ANKIB1: variants seen among roughly 807,000 people sequenced by gnomAD.
ANKIB1 encodes ankyrin repeat and IBR domain containing 1.
ANKIB1 carries 43 observed loss-of-function variants against 122.1 expected under a neutral mutation model. The observed-to-expected ratio is 0.35, with a 90% CI of 0.28 to 0.45. The LOEUF (loss-of-function observed/expected upper bound fraction) is 0.45, where lower values mean the gene tolerates loss of function less well. Among genes scored for constraint, ANKIB1 ranks in the 20% least tolerant of loss-of-function variants. The probability of loss-of-function intolerance (pLI) is 1.00; values close to 1 mark genes in which losing one functional copy is unlikely to be tolerated. For missense variants in ANKIB1, 992 were observed against 1,329.5 expected, an observed-to-expected ratio of 0.75 and a Z score of 3.95; for synonymous variants, 390 against 442.0, an observed-to-expected ratio of 0.88 and a Z score of 1.48.
intron 9 of ANKIB1, among the ~76,000 whole-genome samples, chr7:92,355,023 A>G (rs1354163614): frequency 6.6e-6 from 1 of 152,268 alleles, no homozygotes; most frequent in Non-Finnish European, 1.5e-5. Context: ...CTGCATAGAT[A>G]TAACTAAATA....
chr7:92,278,263 TAATAA>T (rs1191709475), intron 1 of ANKIB1, among the ~76,000 whole-genome samples: 1 of 151,798 alleles, frequency 6.6e-6, no homozygotes, highest in Non-Finnish European at 1.5e-5. Context: ...AATAAATAAA[TAATAA>T]AATAAAGAAT....
rs1206190414 is a variant in ANKIB1, at chr7:92,330,664, AACCCC to A, written c.787+2765_787+2769del. Reference sequence around the variant, plus strand: ...GAGACTATCCTGGCTAACATGCTGAAACCCCGTCTCTACTAAAAATACAAAAAATT... The same window carrying A: ...GAGACTATCCTGGCTAACATGCTGAAGTCTCTACTAAAAATACAAAAAATT... On this transcript the variant is annotated intron_variant, in intron 5 of 19. Transcript: ENST00000265742. Among the ~76,000 whole-genome samples, 23 of 152,142 alleles carry A rather than the reference AACCCC, an allele frequency of 1.5e-4. No individual in the cohort carries two copies. The South Asian group carries it at 4.4e-3, about 29-fold the overall frequency.
At chr7:92,270,729 T>G (rs1050565749) in intron 1 of ANKIB1, among the ~76,000 whole-genome samples, 4 of 57,228 alleles carry the variant, frequency 7.0e-5, no homozygotes, top group Non-Finnish European at 1.4e-4. Flanking sequence ...ATCGCTATAG[T>G]TTTTTTTTTT....
At chr7:92,309,737 C>A (rs1465897878) in intron 3 of ANKIB1, among the ~76,000 whole-genome samples, 1 of 149,576 alleles carries the variant, frequency 6.7e-6, no homozygotes, top group Admixed American at 6.8e-5. Context: ...CCAGCCTGGC[C>A]AATATGGTGA....
chr7:92,320,169 A>G (rs189024051), intron 4 of ANKIB1, among the ~76,000 whole-genome samples: 77 of 152,264 alleles, frequency 5.1e-4, no homozygotes, highest in Admixed American at 3.2e-3. Flanking sequence ...AAAACAAAAC[A>G]AAAAACATAA....
rs150018736 is a variant in ANKIB1, at chr7:92,367,000, C to T, written c.1487-4477C>T. 2.0e-4 allele frequency among the ~76,000 whole-genome samples: 31 copies of T among 151,914 alleles called. 1 individual carries two copies. In the East Asian group the frequency reaches 5.2e-3, roughly 26 times the overall value. On this transcript the variant is annotated intron_variant, in intron 10 of 19. Coordinates refer to ENST00000265742, the MANE Select transcript of ANKIB1 (RefSeq NM_019004.2). ...CTGGCTAGTGAGAACAGATTATGGG[C>T]GGGACTGTGAAAAAATGTCCTTCCT...
At chr7:92,357,250 T>A (rs1386847326) in intron 9 of ANKIB1, among the ~76,000 whole-genome samples, 1 of 152,136 alleles carries the variant, frequency 6.6e-6, no homozygotes, top group Non-Finnish European at 1.5e-5. Flanking sequence ...TTTTTCTTTA[T>A]AATCTTTTAC....
intron 1 of ANKIB1, among the ~76,000 whole-genome samples, chr7:92,270,728 GTTTTT>G (rs397889266): frequency 0.014 from 1,114 of 82,002 alleles, 6 homozygotes; most frequent in African/African-American, 0.05. Context: ...CATCGCTATA[GTTTTT>G]TTTTTTTTTT....
At chr7:92,346,570 A>G (rs1326066645) in intron 7 of ANKIB1, among the ~76,000 whole-genome samples, 2 of 152,226 alleles carry the variant, frequency 1.3e-5, no homozygotes, top group East Asian at 1.9e-4. Flanking sequence ...TCAGATCAGT[A>G]TAGCTGTTAC....
At chr7:92,331,474 G>A (rs1803172430) in intron 5 of ANKIB1, among the ~76,000 whole-genome samples, 1 of 151,606 alleles carries the variant, frequency 6.6e-6, no homozygotes, top group Non-Finnish European at 1.5e-5. Flanking sequence ...CACCAGATGG[G>A]GTTTGGCCAG....
Position 92,307,458 on chromosome 7 carries a change from A to T in ANKIB1, c.288A>T (p.Glu96Asp), listed in dbSNP as rs373917533. 32 of 1,614,004 alleles carry T rather than the reference A, an allele frequency of 2.0e-5. No individual in the cohort carries two copies. Among genetic ancestry groups the T allele is most frequent in the Non-Finnish European group, 2.7e-5 (32 of 1,179,880 alleles). ...TGGGACCTCAAATTATGATATCTGA[A>T]GGAGCCCTTCATCCTCGCTTGGCAC... ...LCMGPQIMIS[E>D]GALHPRLARP... The change falls in exon 3 of 20, where the codon GAA (glutamate) becomes GAT (aspartate). Residue 96 changes from glutamate (E) to aspartate (D), a missense_variant. Coordinates refer to ENST00000265742, the MANE Select transcript of ANKIB1 (RefSeq NM_019004.2).
intron 11 of ANKIB1, among the ~76,000 whole-genome samples, chr7:92,372,315 T>A (rs1804286561): frequency 6.6e-6 from 1 of 152,144 alleles, no homozygotes; most frequent in African/African-American, 2.4e-5. Flanking sequence ...ATGTACATTG[T>A]AAGATACTAT....
At chr7:92,325,470 T>G (rs905366236) in intron 4 of ANKIB1, among the ~76,000 whole-genome samples, 1 of 152,154 alleles carries the variant, frequency 6.6e-6, no homozygotes, top group South Asian at 2.1e-4. Context: ...CTAAAAACTT[T>G]CCTGGCTATT....
intron 9 of ANKIB1, among the ~76,000 whole-genome samples, chr7:92,358,562 T>A (rs1022364372): frequency 2.0e-5 from 3 of 149,908 alleles, no homozygotes; most frequent in Admixed American, 1.3e-4. Flanking sequence ...CAGACTTTAT[T>A]TGAAAACACT....
intron 4 of ANKIB1, among the ~76,000 whole-genome samples, chr7:92,320,433 A>G (rs1457833889): frequency 1.3e-5 from 2 of 152,114 alleles, no homozygotes; most frequent in Non-Finnish European, 2.9e-5. Context: ...CAATTGACCA[A>G]TCCCTTCTTA....
intron 7 of ANKIB1, among the ~76,000 whole-genome samples, chr7:92,350,087 T>A (rs1562789561): frequency 6.6e-6 from 1 of 152,012 alleles, no homozygotes; most frequent in Non-Finnish European, 1.5e-5. Flanking sequence ...CTTGATACTT[T>A]TTTACAGGGC....
chr7:92,281,511 C>G (rs144937938), intron 1 of ANKIB1, among the ~76,000 whole-genome samples: 89 of 152,258 alleles, frequency 5.8e-4, no homozygotes, highest in African/African-American at 2.0e-3. Context: ...AGAATGTCCT[C>G]AGACAAATGG....
Position 92,391,846 on chromosome 7 carries a change from A to T in ANKIB1, c.2232-395A>T, listed in dbSNP as rs138293714. Among the ~76,000 whole-genome samples, 178 of 152,236 alleles carry T rather than the reference A, an allele frequency of 1.2e-3. 3 individuals carry two copies. The East Asian group carries it at 0.03, about 26-fold the overall frequency. Reference sequence around the variant, plus strand: ...TGTAGTTGTTTTATTTTACATACTCATACTACTTCTGTAAATTGAAGCATA... The same window carrying T: ...TGTAGTTGTTTTATTTTACATACTCTTACTACTTCTGTAAATTGAAGCATA... On this transcript the variant is annotated intron_variant, in intron 16 of 19. Transcript: ENST00000265742.
At chr7:92,251,759 T>C (rs183768845) in intron 1 of ANKIB1, among the ~76,000 whole-genome samples, 2 of 152,334 alleles carry the variant, frequency 1.3e-5, no homozygotes, top group East Asian at 3.9e-4. Context: ...GGCACTCTCT[T>C]ATACAGCCAA....
Sources: gnomAD v4.1 joint callset for allele counts (sites outside exome capture counted in the v4.1 genomes callset) on GRCh38, gnomAD v4.1.1 for gene constraint, MANE v1.5 for transcripts, NCBI Gene and HGNC (gene_info 2026-07-23, HGNC 2026-07-21) for gene names.